Variants in GRID2 observed in about 807,000 individuals in gnomAD.
GRID2 encodes the protein glutamate ionotropic receptor delta type subunit 2.
GRID2 carries 33 observed loss-of-function variants against 114.8 expected under a neutral mutation model. The ratio of observed to expected loss-of-function variants is 0.29; its 90% confidence interval spans 0.22 to 0.38. The LOEUF (loss-of-function observed/expected upper bound fraction) is 0.38. GRID2 is among the 10% of genes least tolerant of loss of function. GRID2 has a pLI of 1.00. For synonymous variants in GRID2, 505 were observed against 449.9 expected (o/e 1.12, Z -1.55); for missense variants, 1,184 against 1,257.7 (o/e 0.94, Z 0.89).
downstream of GRID2, chr4:93,810,216 C>T (rs569431397): frequency 6.6e-6 from 1 of 152,102 alleles, no homozygotes; most frequent in Non-Finnish European, 1.5e-5. Flanking sequence ...AAATAAAATC[C>T]TTGGTATTAC....
chr4:93,655,516 A>G (rs1228099820), intron 14 of GRID2, among the ~76,000 whole-genome samples: 1 of 152,138 alleles, frequency 6.6e-6, no homozygotes, highest in Non-Finnish European at 1.5e-5. Context: ...CAAAACTGGA[A>G]GAAATTATAA....
chr4:93,549,261 T>C (rs2149539823), intron 13 of GRID2, among the ~76,000 whole-genome samples: 1 of 152,264 alleles, frequency 6.6e-6, no homozygotes, highest in East Asian at 1.9e-4. Context: ...GTAAAAGTTG[T>C]GCTTGCATTT....
chr4:92,370,016 T>C (rs1729047872), intron 1 of GRID2, among the ~76,000 whole-genome samples: 1 of 152,200 alleles, frequency 6.6e-6, no homozygotes, highest in Non-Finnish European at 1.5e-5. Flanking sequence ...TATTGTGTTT[T>C]TTTCAAATTG....
chr4:93,585,067 C>T (rs752225505), intron 13 of GRID2, among the ~76,000 whole-genome samples: 4 of 152,070 alleles, frequency 2.6e-5, no homozygotes, highest in Non-Finnish European at 5.9e-5. Context: ...AGTCAACAAG[C>T]AAAATACCTT....
chr4:92,394,169 C>T (rs1345965115), intron 1 of GRID2, among the ~76,000 whole-genome samples: 1 of 152,102 alleles, frequency 6.6e-6, no homozygotes, highest in Non-Finnish European at 1.5e-5. Flanking sequence ...ATGAAGATCA[C>T]TAATATATTA....
Position 92,963,283 on chromosome 4 carries a change from A to G in GRID2, c.245-121712A>G, listed in dbSNP as rs1024659678. Among the ~76,000 whole-genome samples the G allele has an allele frequency of 3.3e-5, 5 of 151,998 alleles. No individual in the cohort carries two copies. In the South Asian group the frequency reaches 6.2e-4, roughly 19 times the overall value. On this transcript the variant is annotated intron_variant, in intron 2 of 15. Transcript: ENST00000282020. Reference sequence around the variant, plus strand: ...TCTTTGTTTCACAAAAGATTTCTCTATAGCATGCCATGCTGTTTAATAGAA... The same window carrying G: ...TCTTTGTTTCACAAAAGATTTCTCTGTAGCATGCCATGCTGTTTAATAGAA...
At chr4:93,504,009 T>C (rs569230429) in intron 12 of GRID2, among the ~76,000 whole-genome samples, 1 of 152,220 alleles carries the variant, frequency 6.6e-6, no homozygotes, top group East Asian at 1.9e-4. Context: ...ACTGAAACTG[T>C]GACCTTCTAC....
chr4:92,392,734 T>C (rs1258783506), intron 1 of GRID2, among the ~76,000 whole-genome samples: 1 of 152,122 alleles, frequency 6.6e-6, no homozygotes, highest in African/African-American at 2.4e-5. Context: ...CATTCAAATA[T>C]TATTTTGTGT....
At chr4:93,390,566 T>A (rs1015030478) in intron 8 of GRID2, among the ~76,000 whole-genome samples, 31 of 152,166 alleles carry the variant, frequency 2.0e-4, no homozygotes, top group Non-Finnish European at 2.9e-5. Context: ...TTAGAACAGG[T>A]ACTTGAACTC....
At chr4:93,259,805 G>T (rs1026881628) in intron 8 of GRID2, among the ~76,000 whole-genome samples, 3 of 151,658 alleles carry the variant, frequency 2.0e-5, no homozygotes, top group African/African-American at 7.2e-5. Flanking sequence ...GTTTTAAGTT[G>T]TTTTTCTTGA....
chr4:93,464,781 C>A (rs1280482731), intron 11 of GRID2, among the ~76,000 whole-genome samples: 3 of 151,912 alleles, frequency 2.0e-5, no homozygotes, highest in African/African-American at 7.3e-5. Flanking sequence ...TTGACTGTGC[C>A]CAAAATTTAT....
chr4:93,281,958 T>A (rs2149586870), intron 8 of GRID2, among the ~76,000 whole-genome samples: 1 of 152,172 alleles, frequency 6.6e-6, no homozygotes, highest in Non-Finnish European at 1.5e-5. Flanking sequence ...AGTCTTACCA[T>A]AACATTTGAA....
chr4:93,134,293 T>C (rs1368789895), intron 4 of GRID2, among the ~76,000 whole-genome samples: 2 of 152,146 alleles, frequency 1.3e-5, no homozygotes, highest in Admixed American at 6.5e-5. Flanking sequence ...CATATTTCAG[T>C]ATATATGAAA....
At chr4:93,329,785 A>G (rs1331194089) in intron 8 of GRID2, among the ~76,000 whole-genome samples, 3 of 152,124 alleles carry the variant, frequency 2.0e-5, no homozygotes, top group African/African-American at 7.2e-5. Flanking sequence ...GCTGACTACT[A>G]TGCAAATATC....
chr4:93,564,435 C>T (rs1028835544), intron 13 of GRID2, among the ~76,000 whole-genome samples: 4 of 151,934 alleles, frequency 2.6e-5, no homozygotes, highest in Admixed American at 6.6e-5. Context: ...AAGTTAAGGT[C>T]GCACTGAGTG....
rs552132030 is a variant in GRID2, at chr4:93,554,096, T to C, written c.2193+38685T>C. On this transcript the variant is annotated intron_variant, in intron 13 of 15. Coordinates refer to ENST00000282020, the MANE Select transcript of GRID2 (RefSeq NM_001510.4). ...TAGTGAGATTCAGTCTCACTATCTC[T>C]CTAGTACCTTGAAACCATTTTGGTC... Among the ~76,000 whole-genome samples, 3 of 152,324 alleles carry C rather than the reference T, an allele frequency of 2.0e-5. No homozygotes were observed. The East Asian group carries it at 5.8e-4, about 29-fold the overall frequency.
At chr4:92,362,441 A>C (rs1406587029) in intron 1 of GRID2, among the ~76,000 whole-genome samples, 2 of 151,998 alleles carry the variant, frequency 1.3e-5, no homozygotes, top group Non-Finnish European at 2.9e-5. Flanking sequence ...AATTTTTCTA[A>C]AATTATTTTG....
At position 92,304,716 on chromosome 4, in the gene GRID2, G is replaced by A. The variant is rs749233233; in HGVS notation, c.60G>A (p.Ser20=). 1.9e-6 allele frequency: 3 copies of A among 1,613,176 alleles called. No individual in the cohort carries two copies. The highest frequency in any genetic ancestry group is 1.1e-5 in the South Asian group (1 of 91,044). The change falls in exon 1 of 16, where the codon TCG becomes TCA. Residue 20 remains serine (S), a synonymous_variant. Transcript: ENST00000282020. The part of the protein sequence containing the change: ...LSVWWSRTWD[S]ANADSIIHIG... Reference sequence around the variant, plus strand: ...TCTGGTGGTCTCGAACCTGGGACTCGGCGAATGCGGATTCGATCATTCACA... The same window carrying A: ...TCTGGTGGTCTCGAACCTGGGACTCAGCGAATGCGGATTCGATCATTCACA...
intron 2 of GRID2, among the ~76,000 whole-genome samples, chr4:93,063,728 C>A (rs1406091428): frequency 6.6e-6 from 1 of 151,698 alleles, no homozygotes; most frequent in African/African-American, 2.4e-5. Flanking sequence ...TTACATCTTT[C>A]AAAAATTTTA....
Sources: allele counts gnomAD v4.1 joint callset (sites outside exome capture counted in the v4.1 genomes callset), GRCh38; gene constraint gnomAD v4.1.1; transcripts MANE v1.5; gene names NCBI Gene and HGNC (gene_info 2026-07-23, HGNC 2026-07-21).